The following TRHDE variants were observed in gnomAD, a reference collection of about 807,000 sequenced individuals.
TRHDE encodes thyrotropin releasing hormone degrading enzyme.
TRHDE carries 72 observed loss-of-function variants against 125.7 expected under a neutral mutation model. The observed-to-expected ratio is 0.57, with a 90% CI of 0.47 to 0.70. The LOEUF (loss-of-function observed/expected upper bound fraction) is 0.70. TRHDE is among the 30% of genes least tolerant of loss of function. TRHDE has a pLI of 0.00. For missense variants in TRHDE, 1,110 were observed against 1,327.1 expected, an observed-to-expected ratio of 0.84 and a Z score of 2.54; for synonymous variants, 509 against 509.1, an observed-to-expected ratio of 1.00 and a Z score of 0.00.
chr12:72,570,240 C>A (rs2136020921), intron 10 of TRHDE, among the ~76,000 whole-genome samples: 1 of 152,250 alleles, frequency 6.6e-6, no homozygotes, highest in South Asian at 2.1e-4. Context: ...TTAGTTATTT[C>A]CATGCTGTTA....
At chr12:72,617,901 A>AC (rs897277043) in intron 12 of TRHDE, among the ~76,000 whole-genome samples, 30 of 152,300 alleles carry the variant, frequency 2.0e-4, no homozygotes, top group Admixed American at 1.8e-3. Context: ...CAAAGGCCCT[A>AC]CCTCTGAATA....
intron 12 of TRHDE, among the ~76,000 whole-genome samples, chr12:72,590,513 T>TG (rs1395466116): frequency 3.9e-5 from 6 of 152,126 alleles, no homozygotes; most frequent in Admixed American, 1.3e-4. Context: ...TTTTTGTTAA[T>TG]GGGGTCACAT....
intron 3 of TRHDE, among the ~76,000 whole-genome samples, chr12:72,433,530 GAAGAA>G (rs1267166964): frequency 4.0e-5 from 6 of 151,842 alleles, no homozygotes; most frequent in Admixed American, 3.9e-4. Context: ...TGAGCAAGCT[GAAGAA>G]AAGGCAATTA....
intron 3 of TRHDE, among the ~76,000 whole-genome samples, chr12:72,420,151 T>G (rs1037219269): frequency 6.6e-6 from 1 of 152,214 alleles, no homozygotes; most frequent in Non-Finnish European, 1.5e-5. Context: ...AAACACCATC[T>G]GTAGATTCAG....
At chr12:72,569,313 T>A (rs758745826) in intron 10 of TRHDE, among the ~76,000 whole-genome samples, 7 of 152,192 alleles carry the variant, frequency 4.6e-5, no homozygotes, top group Non-Finnish European at 1.0e-4. Context: ...ATTTCTGTTT[T>A]CCACTGAGTT....
In TRHDE at chr12:72,104,219, G is replaced by A. The variant is rs199556819; in HGVS notation, n.175-1429G>A. Among the ~76,000 whole-genome samples the A allele has an allele frequency of 8.5e-5, 13 of 152,286 alleles. No individual in the cohort carries two copies. The East Asian group carries it at 2.1e-3, about 25-fold the overall frequency. On this transcript the variant is annotated intron_variant and non_coding_transcript_variant, in intron 1 of 4. Transcript: ENST00000548156. ...TTACCTGCACTGGGCCTGGTCCATA[G>A]CATTTGCTCAGTCGCTATTTATTAA...
At chr12:72,642,936 A>G (rs1874124716) in intron 15 of TRHDE, among the ~76,000 whole-genome samples, 1 of 152,210 alleles carries the variant, frequency 6.6e-6, no homozygotes, top group African/African-American at 2.4e-5. Context: ...CCCTAGAGCA[A>G]TCATTTTGCT....
chr12:72,101,945 C>G (rs911923413), intron 1 of TRHDE, among the ~76,000 whole-genome samples: 1 of 152,078 alleles, frequency 6.6e-6, no homozygotes, highest in Admixed American at 6.6e-5. Context: ...ATAAAGGTAG[C>G]CTATTTTGTT....
chr12:72,398,335 C>T (rs909456779), intron 3 of TRHDE, among the ~76,000 whole-genome samples: 2 of 152,106 alleles, frequency 1.3e-5, no homozygotes, highest in Admixed American at 6.5e-5. Context: ...TTATAGTCCT[C>T]TGGGTATATA....
At chr12:72,501,005 G>A (rs1195908500) in intron 6 of TRHDE, among the ~76,000 whole-genome samples, 1 of 151,840 alleles carries the variant, frequency 6.6e-6, no homozygotes, top group Non-Finnish European at 1.5e-5. Context: ...TAGCAATATT[G>A]ACTGACCCAT....
intron 2 of TRHDE, among the ~76,000 whole-genome samples, chr12:72,201,417 G>T (rs1279764997): frequency 2.0e-5 from 3 of 152,064 alleles, no homozygotes; most frequent in Non-Finnish European, 4.4e-5. Context: ...TTGAAGTTTG[G>T]TTATACCCTA....
intron 3 of TRHDE, among the ~76,000 whole-genome samples, chr12:72,416,436 G>A (rs1371373335): frequency 6.6e-6 from 1 of 151,696 alleles, no homozygotes; most frequent in Admixed American, 6.6e-5. Flanking sequence ...GTGCTTTTGA[G>A]GTCTTAGTCA....
rs182052789 is a variant in TRHDE, at chr12:72,531,934, G to A, written c.1723-10357G>A. Among the ~76,000 whole-genome samples, 97 of 152,144 alleles carry A rather than the reference G, an allele frequency of 6.4e-4. 1 individual carries two copies. Among genetic ancestry groups the A allele is most frequent in the African/African-American group, 2.0e-3 (83 of 41,548 alleles). On this transcript the variant is annotated intron_variant, in intron 6 of 18. Coordinates refer to ENST00000261180, the MANE Select transcript of TRHDE (RefSeq NM_013381.3). ...CTTTTTCTATTTCAAAATTGCTGTT[G>A]TTTACTCTTTGCTAATCCATGTGAA...
intron 15 of TRHDE, among the ~76,000 whole-genome samples, chr12:72,627,455 T>C (rs1240058000): frequency 1.3e-5 from 2 of 151,908 alleles, no homozygotes; most frequent in Non-Finnish European, 2.9e-5. Context: ...AGATTGGTCA[T>C]AAGAGTCTTT....
intron 2 of TRHDE, among the ~76,000 whole-genome samples, chr12:72,258,474 A>G (rs1298653002): frequency 6.6e-6 from 1 of 152,188 alleles, no homozygotes; most frequent in African/African-American, 2.4e-5. Context: ...TTCTTGGCTT[A>G]TATAACTTTA....
intron 2 of TRHDE, among the ~76,000 whole-genome samples, chr12:72,320,256 C>G (rs1192790276): frequency 1.3e-5 from 2 of 152,050 alleles, no homozygotes; most frequent in African/African-American, 2.4e-5. Context: ...CCCACAGATA[C>G]AAACATTTGC....
At chr12:72,218,269 A>G (rs567119032) in intron 2 of TRHDE, among the ~76,000 whole-genome samples, 28 of 152,280 alleles carry the variant, frequency 1.8e-4, no homozygotes, top group Admixed American at 5.2e-4. Flanking sequence ...TCATCAAACA[A>G]GTCTGATTAA....
At chr12:72,550,467 C>T (rs1869623350) in intron 7 of TRHDE, among the ~76,000 whole-genome samples, 1 of 151,758 alleles carries the variant, frequency 6.6e-6, no homozygotes. Context: ...TTGGAAAGTG[C>T]ATGTAATAGC....
At chr12:72,153,595 G>A (rs1360050446) in intron 2 of TRHDE, among the ~76,000 whole-genome samples, 1 of 152,120 alleles carries the variant, frequency 6.6e-6, no homozygotes, top group East Asian at 1.9e-4. Flanking sequence ...GGTATGTTGT[G>A]TCTTTGTTCT....
Sources: gnomAD v4.1 joint callset for allele counts (sites outside exome capture counted in the v4.1 genomes callset) on GRCh38, gnomAD v4.1.1 for gene constraint, MANE v1.5 for transcripts, NCBI Gene and HGNC (gene_info 2026-07-23, HGNC 2026-07-21) for gene names.